RIMS1: variants seen among roughly 807,000 people sequenced by gnomAD.
RIMS1 encodes regulating synaptic membrane exocytosis 1, also known as regulating synaptic membrane exocytosis protein 1.
RIMS1 carries 83 observed loss-of-function variants against 214.1 expected under a neutral mutation model. The ratio of observed to expected loss-of-function variants is 0.39; its 90% CI spans 0.32 to 0.47. The LOEUF (loss-of-function observed/expected upper bound fraction) is 0.47, where lower values mean the gene tolerates loss of function less well. RIMS1 is among the 20% of genes least tolerant of loss of function. The probability of loss-of-function intolerance (pLI) is 0.99; values close to 1 mark genes in which losing one functional copy is unlikely to be tolerated. For synonymous variants in RIMS1, 793 were observed against 786.8 expected (o/e 1.01, Z -0.13); for missense variants, 2,050 against 2,161.8 (o/e 0.95, Z 1.03).
At position 72,045,672 on chromosome 6, in the gene RIMS1, G is replaced by A. The variant is rs150649312; in HGVS notation, c.246-51277G>A. Among the ~76,000 whole-genome samples, 1,368 of 152,004 alleles carry A rather than the reference G, an allele frequency of 9.0e-3. 11 individuals carry two copies. Among genetic ancestry groups the A allele is most frequent in the African/African-American group, 0.03 (1,245 of 41,540 alleles). Reference sequence around the variant, plus strand: ...GCCACAGATGCATAGGACATCGTATGTTTTAAAATCTTTTCCAGCTTTATA... The same window carrying A: ...GCCACAGATGCATAGGACATCGTATATTTTAAAATCTTTTCCAGCTTTATA... On this transcript the variant is annotated intron_variant, in intron 2 of 33. Transcript: ENST00000521978.
At chr6:72,372,504 CT>C (rs747357103) in intron 29 of RIMS1, among the ~76,000 whole-genome samples, 1 of 152,142 alleles carries the variant, frequency 6.6e-6, no homozygotes, top group Middle Eastern at 3.4e-3. Flanking sequence ...TAGAACTTGA[CT>C]GCTTATTTTC....
chr6:71,954,341 A>G (rs1790526367), intron 1 of RIMS1, among the ~76,000 whole-genome samples: 1 of 152,214 alleles, frequency 6.6e-6, no homozygotes, highest in East Asian at 1.9e-4. Context: ...TCATCTACAT[A>G]ACAGGTAATG....
rs369030567 is a variant in RIMS1 at position 72,383,896 on chromosome 6, T to A, written c.4367-6702T>A. On this transcript the variant is annotated intron_variant, in intron 29 of 33. Transcript: ENST00000521978. ...TCAAAAATAAAAAAAATATATTATT[T>A]CAGAATAACCAAAAAGGTTATACTT... is the stretch of plus-strand genomic sequence containing the variant. Among the ~76,000 whole-genome samples the A allele has an allele frequency of 4.1e-4, 62 of 152,302 alleles. 1 individual carries two copies. The highest frequency in any genetic ancestry group is 1.4e-3 in the African/African-American group (60 of 41,572).
intron 1 of RIMS1, among the ~76,000 whole-genome samples, chr6:71,911,967 C>G (rs1280127984): frequency 1.3e-5 from 2 of 152,122 alleles, no homozygotes; most frequent in Non-Finnish European, 2.9e-5. Flanking sequence ...GGAGAAAATG[C>G]TTTCCCCTCA....
At chr6:72,398,393 T>C in intron 32 of RIMS1, 43 bp downstream of exon 32, 1 of 1,133,582 alleles carries the variant, frequency 8.8e-7, no homozygotes, top group Non-Finnish European at 1.3e-6. Context: ...GACTATTTAA[T>C]AGGCAAACAA....
chr6:72,322,925 G>A (rs1010464596), intron 28 of RIMS1, among the ~76,000 whole-genome samples: 4 of 152,008 alleles, frequency 2.6e-5, no homozygotes, highest in African/African-American at 9.7e-5. Flanking sequence ...CTATGCACAG[G>A]GAAGTTTCCA....
At chr6:72,073,877 T>G (rs1831156177) in intron 2 of RIMS1, among the ~76,000 whole-genome samples, 1 of 152,226 alleles carries the variant, frequency 6.6e-6, no homozygotes, top group Non-Finnish European at 1.5e-5. Context: ...CACATCAGTT[T>G]ATTATATTCC....
chr6:72,114,382 A>G (rs1210824477), intron 4 of RIMS1, among the ~76,000 whole-genome samples: 1 of 152,018 alleles, frequency 6.6e-6, no homozygotes, highest in Non-Finnish European at 1.5e-5. Flanking sequence ...GTGATTTTCT[A>G]TACATCATAA....
At chr6:72,181,508 C>T (rs2048396078) in intron 5 of RIMS1, among the ~76,000 whole-genome samples, 1 of 152,196 alleles carries the variant, frequency 6.6e-6, no homozygotes, top group African/African-American at 2.4e-5. Context: ...GAAAAGAGTT[C>T]TGTTTTTGAC....
intron 4 of RIMS1, among the ~76,000 whole-genome samples, chr6:72,144,902 G>C (rs961031913): frequency 7.0e-6 from 1 of 143,460 alleles, no homozygotes; most frequent in Non-Finnish European, 1.5e-5. Flanking sequence ...TTTTTTTTTC[G>C]AGATGGAGTT....
intron 2 of RIMS1, among the ~76,000 whole-genome samples, chr6:72,019,239 G>A (rs978365428): frequency 2.6e-5 from 4 of 152,090 alleles, no homozygotes; most frequent in Non-Finnish European, 5.9e-5. Context: ...CGTGCTGTCA[G>A]TATAGTGTAA....
chr6:72,144,375 G>T (rs1270853034), intron 4 of RIMS1, among the ~76,000 whole-genome samples: 1 of 152,156 alleles, frequency 6.6e-6, no homozygotes, highest in Non-Finnish European at 1.5e-5. Flanking sequence ...TCTAAAGAAT[G>T]TGTCTCCTGT....
chr6:72,323,083 G>C (rs1266956837), intron 28 of RIMS1, among the ~76,000 whole-genome samples: 16 of 152,058 alleles, frequency 1.1e-4, no homozygotes. Context: ...AAATATCTCA[G>C]AAGGGCCAAA....
intron 6 of RIMS1, among the ~76,000 whole-genome samples, chr6:72,197,255 ACACT>A (rs1256516151): frequency 6.6e-6 from 1 of 152,154 alleles, no homozygotes; most frequent in Non-Finnish European, 1.5e-5. Context: ...CTACGTGGAA[ACACT>A]CACCAGCCAC....
intron 4 of RIMS1, among the ~76,000 whole-genome samples, chr6:72,173,953 A>G (rs1350439358): frequency 6.6e-6 from 1 of 150,826 alleles, no homozygotes; most frequent in East Asian, 2.0e-4. Context: ...GATTTGTGGG[A>G]AAGTGGTCAT....
In RIMS1 at chr6:72,179,860, G is replaced by A; in HGVS notation, c.757G>A (p.Gly253Arg). The A allele has an allele frequency of 1.3e-6, 2 of 1,596,108 alleles. No individual in the cohort carries two copies. The highest frequency in any genetic ancestry group is 2.3e-5 in the South Asian group (2 of 88,538). The change falls in exon 5 of 34, where the codon GGG becomes AGG. Residue 253 changes from glycine (G) to arginine (R), a missense_variant. Transcript: ENST00000521978. ...KGAEPSQQAL[G>R]PEQKQASSRS... Reference sequence around the variant, plus strand: ...GGCTGAGCCCTCGCAGCAAGCCTTGGGGCCTGAACAGAAGCAGGCTTCATC... The same window carrying A: ...GGCTGAGCCCTCGCAGCAAGCCTTGAGGCCTGAACAGAAGCAGGCTTCATC...
intron 12 of RIMS1, among the ~76,000 whole-genome samples, chr6:72,248,385 A>G (rs1383870389): frequency 1.3e-5 from 2 of 152,214 alleles, no homozygotes; most frequent in Non-Finnish European, 2.9e-5. Context: ...GTAAATAAAG[A>G]GTTCATATTT....
chr6:72,223,888 C>G (rs535161089), intron 6 of RIMS1, among the ~76,000 whole-genome samples: 1 of 140,436 alleles, frequency 7.1e-6, no homozygotes, highest in East Asian at 2.2e-4. Flanking sequence ...GTGGAGTTTG[C>G]AGTGAGCCGA....
chr6:72,339,188 G>C (rs1227828955), intron 29 of RIMS1, among the ~76,000 whole-genome samples: 1 of 151,782 alleles, frequency 6.6e-6, no homozygotes, highest in Admixed American at 6.6e-5. Context: ...TAAAGCCTGA[G>C]CATAAAAACA....
Sources: allele counts gnomAD v4.1 joint callset (sites outside exome capture counted in the v4.1 genomes callset), GRCh38; gene constraint gnomAD v4.1.1; transcripts MANE v1.5; gene names NCBI Gene and HGNC (gene_info 2026-07-23, HGNC 2026-07-21).